Variants in NUP62 observed in about 807,000 individuals in gnomAD.
NUP62 encodes the protein nucleoporin 62, also known as nuclear pore glycoprotein p62.
For missense variants in NUP62, 647 were observed against 689.4 expected (o/e 0.94, Z 0.69); for synonymous variants, 305 against 303.4 (o/e 1.01, Z -0.05).
At chr19:49,923,861 C>A (rs960971517) in intron 2 of NUP62, among the ~76,000 whole-genome samples, 2 of 152,216 alleles carry the variant, frequency 1.3e-5, no homozygotes, top group South Asian at 2.1e-4. Context: ...ACCCACGCTG[C>A]GGAAGGCAGC....
intron 2 of NUP62, among the ~76,000 whole-genome samples, chr19:49,912,513 AG>A (rs1389488059): frequency 2.6e-5 from 4 of 152,112 alleles, no homozygotes; most frequent in Non-Finnish European, 4.4e-5. Context: ...TCCAATACTC[AG>A]GTGCCAGGGA....
At position 49,908,002 on chromosome 19, in the gene NUP62, AG is replaced by A; in HGVS notation, c.*236del. 1.2e-6 allele frequency: 1 copy of A among 806,200 alleles called. No homozygotes were observed. Among genetic ancestry groups the A allele is most frequent in the Non-Finnish European group, 1.9e-6 (1 of 531,406 alleles). 49.9% of individuals were successfully genotyped at this position (806,200 alleles called of 1,614,324 possible). A position where few individuals can be genotyped will look rare whatever the true frequency, so the allele number is the denominator to read the frequency against. On this transcript the variant is annotated 3_prime_UTR_variant, in exon 3 of 3. Transcript: ENST00000352066. ...GTCGCAGTAGGTGAAAAGGGGCCAA[AG>A]ATACTCAAATGAAAGCCACAGAAGC...
rs745977545 is a variant in NUP62 at position 49,909,050 on chromosome 19, G to A, written c.758C>T (p.Thr253Ile). 39 of 1,613,040 alleles carry A rather than the reference G, an allele frequency of 2.4e-5. No homozygotes were observed. The highest frequency in any genetic ancestry group is 3.1e-5 in the Non-Finnish European group (37 of 1,180,040). ...VTTAGAPTAG[T>I]QGFSLKAPGA... Reference sequence around the variant, plus strand: ...AGGTGCCTTTAAGCTGAAGCCCTGTGTCCCAGCAGTGGGGGCGCCCGCTGT... The same window carrying A: ...AGGTGCCTTTAAGCTGAAGCCCTGTATCCCAGCAGTGGGGGCGCCCGCTGT... Residue 253 changes from threonine to isoleucine, a missense_variant, in exon 3 of 3, where the codon ACA (threonine) becomes ATA (isoleucine). Transcript: ENST00000352066.
At chr19:49,925,426 C>A (rs2075862732) in intron 2 of NUP62, among the ~76,000 whole-genome samples, 1 of 146,594 alleles carries the variant, frequency 6.8e-6, no homozygotes, top group Admixed American at 7.0e-5. Flanking sequence ...AAGACCCTCC[C>A]CCCCATCTCT....
chr19:49,927,861 G>T (rs996554541), intron 1 of NUP62, 46 bp from the exon 2 acceptor site: 1 of 152,270 alleles, frequency 6.6e-6, no homozygotes, highest in Admixed American at 6.5e-5. Flanking sequence ...GGTGGAGGAG[G>T]GCCCAGTGCA....
chr19:49,910,924 G>A (rs1351677823), intron 2 of NUP62: 8 of 152,260 alleles, frequency 5.3e-5, no homozygotes, highest in African/African-American at 1.9e-4. Context: ...TTTCTTTTGG[G>A]AAAGGGTTTT....
intron 2 of NUP62, 141 bp from the exon 3 acceptor site, chr19:49,910,025 C>G: frequency 1.6e-6 from 1 of 632,862 alleles, no homozygotes; most frequent in Non-Finnish European, 2.9e-6. Context: ...TCTGCTACAT[C>G]GAGAAGGATC....
At position 49,907,262 on chromosome 19, in the gene NUP62, C is replaced by T. The variant is rs2075342041; in HGVS notation, c.*977G>A. 1 of 292,918 alleles carries T rather than the reference C, an allele frequency of 3.4e-6. No individual in the cohort carries two copies. The highest frequency in any genetic ancestry group is 5.0e-5 in the Admixed American group (1 of 19,868). 18.1% of individuals were successfully genotyped at this position (292,918 alleles called of 1,614,324 possible). A position where few individuals can be genotyped will look rare whatever the true frequency, so the allele number is the denominator to read the frequency against. ...GCTACGGGGACCTGCAAGAAGGCCACCTGAGCTTCGGGTAGCTGGGAAGGC... is the reference window on the plus strand; with the variant it reads ...GCTACGGGGACCTGCAAGAAGGCCATCTGAGCTTCGGGTAGCTGGGAAGGC... On this transcript the variant is annotated 3_prime_UTR_variant, in exon 3 of 3. Transcript: ENST00000352066.
Position 49,909,017 on chromosome 19 carries a change from G to A in NUP62, c.791C>T (p.Ala264Val), listed in dbSNP as rs375689644. The A allele has an allele frequency of 3.7e-6, 6 of 1,612,846 alleles. No homozygotes were observed. The highest frequency in any genetic ancestry group is 1.7e-4 in the Middle Eastern group (1 of 5,868). The change falls in exon 3 of 3, where the codon GCT becomes GTT. Residue 264 changes from alanine to valine, a missense_variant. Ala to Val is a moderately conservative substitution (Grantham distance 64). Transcript: ENST00000352066. ...GGATGTTGTTGTGGAGGTGCCGGAA[G>A]CTGCTCCAGGTGCCTTTAAGCTGAA... ...QGFSLKAPGA[A>V]SGTSTTTSTA...
intron 2 of NUP62, among the ~76,000 whole-genome samples, chr19:49,910,428 G>T (rs2075434755): frequency 6.6e-6 from 1 of 152,134 alleles, no homozygotes. Context: ...CTCTCTAAGA[G>T]CAGGAGAGGA....
At chr19:49,919,790 C>T (rs1303486777) in intron 2 of NUP62, among the ~76,000 whole-genome samples, 1 of 106,398 alleles carries the variant, frequency 9.4e-6, no homozygotes, top group African/African-American at 4.1e-5. Flanking sequence ...TCTAGAACCA[C>T]CGCTTGCTCT....
At chr19:49,924,403 T>C (rs563316634) in intron 2 of NUP62, among the ~76,000 whole-genome samples, 78 of 152,306 alleles carry the variant, frequency 5.1e-4, no homozygotes, top group African/African-American at 1.9e-3. Context: ...AAGGCTCTGC[T>C]AACCGGGAGC....
Position 49,909,886 on chromosome 19 carries a change from TA to T in NUP62, c.-77-3del. ...GTGTCTGCAGCCTTGGGAAGATTTC[TA>T]AAGCAGAGGAAGTGACATTGTCAGA... is the stretch of plus-strand genomic sequence containing the variant. On this transcript the variant is annotated splice_region_variant and splice_polypyrimidine_tract_variant and intron_variant, in intron 2 of 2. Transcript: ENST00000352066. The T allele has an allele frequency of 1.4e-6, 2 of 1,478,066 alleles. No individual in the cohort carries two copies. Among genetic ancestry groups the T allele is most frequent in the Non-Finnish European group, 1.9e-6 (2 of 1,066,588 alleles). 91.6% of individuals were successfully genotyped at this position (1,478,066 alleles called of 1,614,324 possible).
chr19:49,925,253 C>A (rs1418244233), intron 2 of NUP62, among the ~76,000 whole-genome samples: 3 of 151,906 alleles, frequency 2.0e-5, no homozygotes, highest in Admixed American at 1.3e-4. Flanking sequence ...AAGAGTGAAA[C>A]TCCGTCTCAA....
chr19:49,924,593 G>A (rs992578114), intron 2 of NUP62, among the ~76,000 whole-genome samples: 5 of 152,214 alleles, frequency 3.3e-5, no homozygotes, highest in African/African-American at 1.2e-4. Context: ...AGGAGTTGAA[G>A]GGGAGCTCGA....
chr19:49,910,851 G>C (rs2075445309), intron 2 of NUP62, among the ~76,000 whole-genome samples: 1 of 152,220 alleles, frequency 6.6e-6, no homozygotes, highest in Admixed American at 6.5e-5. Flanking sequence ...CTATCAGCAG[G>C]AAGGTCAAAG....
In NUP62 at chr19:49,908,910, C is replaced by A; in HGVS notation, c.898G>T (p.Ala300Ser). 6.2e-7 allele frequency: 1 copy of A among 1,607,834 alleles called. No individual in the cohort carries two copies. Among genetic ancestry groups the A allele is most frequent in the East Asian group, 2.2e-5 (1 of 44,830 alleles). The change falls in exon 3 of 3, where the codon GCC becomes TCC. Residue 300 changes from alanine (A) to serine (S), a missense_variant. Coordinates refer to ENST00000352066, the MANE Select transcript of NUP62 (RefSeq NM_016553.5). ...FALNLKPLAP[A>S]GIPSNTAAAV... ...GCTGCTGTATTGCTGGGGATCCCGG[C>A]TGGCGCCAGTGGTTTTAAATTCAAG...
intron 2 of NUP62, among the ~76,000 whole-genome samples, chr19:49,916,152 G>A (rs931149113): frequency 6.6e-6 from 1 of 152,190 alleles, no homozygotes; most frequent in Admixed American, 6.5e-5. Flanking sequence ...ACCCATGATG[G>A]GAAACCAGAG....
At chr19:49,926,638 C>A (rs1458536733) in intron 2 of NUP62, among the ~76,000 whole-genome samples, 2 of 152,178 alleles carry the variant, frequency 1.3e-5, no homozygotes, top group African/African-American at 4.8e-5. Flanking sequence ...CACGTCTGTG[C>A]GTCCTTACCA....
Sources: gnomAD v4.1 joint callset for allele counts (sites outside exome capture counted in the v4.1 genomes callset) on GRCh38, gnomAD v4.1.1 for gene constraint, MANE v1.5 for transcripts, NCBI Gene and HGNC (gene_info 2026-07-23, HGNC 2026-07-21) for gene names.